Variants in PDCL2 observed in about 807,000 individuals in gnomAD.
PDCL2 encodes phosducin-like protein 2.
PDCL2 carries 23 observed loss-of-function variants against 30.3 expected under a neutral mutation model. The ratio of observed to expected loss-of-function variants is 0.76; its 90% CI spans 0.55 to 1.08. The LOEUF (loss-of-function observed/expected upper bound fraction) is 1.08, where lower values mean the gene tolerates loss of function less well. PDCL2 is among the 50% of genes least tolerant of loss of function. The pLI is 0.00. For missense variants in PDCL2, 243 were observed against 282.3 expected (o/e 0.86, Z 1.00); for synonymous variants, 68 against 86.2 (o/e 0.79, Z 1.17).
intron 4 of PDCL2, among the ~76,000 whole-genome samples, chr4:55,565,971 C>CTTT (rs1732253293): frequency 5.7e-5 from 5 of 87,010 alleles, no homozygotes; most frequent in African/African-American, 2.2e-4. Flanking sequence ...ATCCATTTTT[C>CTTT]TGTTTTTTTT....
chr4:55,572,808 C>G (rs1054547945), intron 3 of PDCL2, among the ~76,000 whole-genome samples: 23 of 152,010 alleles, frequency 1.5e-4, no homozygotes, highest in Non-Finnish European at 4.4e-5. Context: ...TCGCCCAGGC[C>G]GGAGTGCAGT....
chr4:55,572,873 C>T (rs1351464241), intron 3 of PDCL2, among the ~76,000 whole-genome samples: 1 of 152,116 alleles, frequency 6.6e-6, no homozygotes, highest in African/African-American at 2.4e-5. Context: ...CATTCTCCTG[C>T]CTCAGCCTCC....
chr4:55,583,972 T>C (rs910643478), intron 1 of PDCL2, among the ~76,000 whole-genome samples: 1 of 152,214 alleles, frequency 6.6e-6, no homozygotes, highest in African/African-American at 2.4e-5. Context: ...ATAAGGACTA[T>C]ATGGAATCTA....
intron 4 of PDCL2, among the ~76,000 whole-genome samples, chr4:55,569,042 T>C (rs968142331): frequency 6.6e-6 from 1 of 152,178 alleles, no homozygotes; most frequent in Non-Finnish European, 1.5e-5. Flanking sequence ...AGAATCTATA[T>C]AAGCCCAAGT....
chr4:55,558,050 G>A (rs1407375966), intron 5 of PDCL2, among the ~76,000 whole-genome samples: 14 of 151,210 alleles, frequency 9.3e-5, no homozygotes, highest in Non-Finnish European at 2.9e-5. Flanking sequence ...GAACCCAGGA[G>A]GCAGAGGTTG....
At chr4:55,573,847 A>G (rs971285557) in intron 3 of PDCL2, among the ~76,000 whole-genome samples, 1 of 141,664 alleles carries the variant, frequency 7.1e-6, no homozygotes, top group Non-Finnish European at 1.5e-5. Flanking sequence ...TTATCAAGTA[A>G]AAAAAAAGTT....
chr4:55,560,262 C>G (rs1300960092), intron 5 of PDCL2, among the ~76,000 whole-genome samples: 1 of 151,562 alleles, frequency 6.6e-6, no homozygotes, highest in Non-Finnish European at 1.5e-5. Context: ...GGGAACAGGA[C>G]TAAGTATGGA....
At chr4:55,580,626 T>C (rs995283860) in intron 3 of PDCL2, among the ~76,000 whole-genome samples, 195 bp downstream of exon 3, 4 of 152,088 alleles carry the variant, frequency 2.6e-5, no homozygotes, top group African/African-American at 9.7e-5. Flanking sequence ...TTCTATTAAA[T>C]CAAAGGCAAA....
chr4:55,557,955 A>G, intron 5 of PDCL2, among the ~76,000 whole-genome samples: 1 of 62,118 alleles, frequency 1.6e-5, no homozygotes, highest in East Asian at 1.1e-3. Flanking sequence ...AAAATACAAA[A>G]AAAAAAAAAA....
At chr4:55,559,685 G>A (rs1226674427) in intron 5 of PDCL2, among the ~76,000 whole-genome samples, 1 of 152,130 alleles carries the variant, frequency 6.6e-6, no homozygotes, top group Non-Finnish European at 1.5e-5. Flanking sequence ...AAACGGAGAT[G>A]AGCATATTAT....
intron 5 of PDCL2, among the ~76,000 whole-genome samples, chr4:55,557,788 T>C (rs1732010939): frequency 6.6e-6 from 1 of 151,682 alleles, no homozygotes; most frequent in South Asian, 2.1e-4. Context: ...GAGGCACATT[T>C]CCCTCCAGCT....
rs758515268 is a variant in PDCL2, at chr4:55,592,094, C to T, written c.6+10G>A. ...TGTTCCAGGGTGGCTCGGCAGGTCC[C>T]GACCCTCACCTGCATGATGCGCTGC... On this transcript the variant is annotated intron_variant, in intron 1 of 5. Coordinates refer to ENST00000295645, the MANE Select transcript of PDCL2 (RefSeq NM_152401.3). 5.6e-6 allele frequency: 9 copies of T among 1,608,428 alleles called. No individual in the cohort carries two copies. In the Admixed American group the frequency reaches 1.3e-4, roughly 24 times the overall value.
intron 5 of PDCL2, among the ~76,000 whole-genome samples, chr4:55,560,825 G>T (rs981960577): frequency 1.3e-5 from 2 of 151,720 alleles, no homozygotes; most frequent in Non-Finnish European, 2.9e-5. Flanking sequence ...AGGCCAAAAG[G>T]AGCTTGTTTG....
intron 1 of PDCL2, among the ~76,000 whole-genome samples, chr4:55,590,890 T>G (rs1209476540): frequency 1.3e-5 from 2 of 152,222 alleles, no homozygotes; most frequent in East Asian, 3.8e-4. Flanking sequence ...TGTCTTCTTC[T>G]TGTTCCCTCA....
chr4:55,557,118 G>A lies in PDCL2; in HGVS notation c.572-407C>T, dbSNP rs191112696. ...CTCCCAAAGTGCTGGGATTACAGGC[G>A]TGAGCCACCACGCCCAGCCTGATGA... On this transcript the variant is annotated intron_variant, in intron 5 of 5. Transcript: ENST00000295645. 6.7e-3 allele frequency among the ~76,000 whole-genome samples: 1,020 copies of A among 152,294 alleles called. 9 individuals are homozygous for A. The highest frequency in any genetic ancestry group is 0.023 in the African/African-American group (963 of 41,556).
intron 5 of PDCL2, among the ~76,000 whole-genome samples, chr4:55,557,084 T>TA (rs1447411958): frequency 6.6e-6 from 1 of 152,136 alleles, no homozygotes; most frequent in African/African-American, 2.4e-5. Flanking sequence ...GTGATCCCCC[T>TA]ACCTTGGCCT....
intron 1 of PDCL2, among the ~76,000 whole-genome samples, chr4:55,582,922 C>T (rs550612323): frequency 6.6e-6 from 1 of 152,268 alleles, no homozygotes; most frequent in African/African-American, 2.4e-5. Context: ...CATGTCCCTA[C>T]AGAGGACATG....
chr4:55,586,021 A>G (rs112325277), intron 1 of PDCL2, among the ~76,000 whole-genome samples: 3 of 151,902 alleles, frequency 2.0e-5, no homozygotes, highest in African/African-American at 7.2e-5. Flanking sequence ...TCTTTATTTC[A>G]TTTATTTCTG....
At chr4:55,588,902 G>A (rs966547066) in intron 1 of PDCL2, among the ~76,000 whole-genome samples, 5 of 149,966 alleles carry the variant, frequency 3.3e-5, no homozygotes, top group South Asian at 4.2e-4. Context: ...CTGTTGCCCA[G>A]GCTGGAGTAC....
Sources: gnomAD v4.1 joint callset for allele counts (sites outside exome capture counted in the v4.1 genomes callset) on GRCh38, gnomAD v4.1.1 for gene constraint, MANE v1.5 for transcripts, NCBI Gene and HGNC (gene_info 2026-07-23, HGNC 2026-07-21) for gene names.